Variants in CYTH3 observed in about 807,000 individuals in gnomAD.
CYTH3 encodes the protein cytohesin 3.
Under a neutral mutation model 55.1 loss-of-function variants are expected in CYTH3, and 23 were observed. The ratio of observed to expected loss-of-function variants is 0.42; its 90% CI spans 0.30 to 0.59. The LOEUF (loss-of-function observed/expected upper bound fraction) is 0.59, where lower values mean the gene tolerates loss of function less well. Ranked by LOEUF, CYTH3 falls within the 20% of genes least tolerant of loss-of-function variation. CYTH3 has a pLI of 0.20. For synonymous variants in CYTH3, 249 were observed against 194.9 expected (o/e 1.28, Z -2.31); for missense variants, 413 against 524.8 (o/e 0.79, Z 2.08).
chr7:6,228,766 GT>G (rs776216330), intron 1 of CYTH3, among the ~76,000 whole-genome samples: 32 of 152,170 alleles, frequency 2.1e-4, no homozygotes, highest in Non-Finnish European at 2.8e-4. Context: ...ACACGGCTGT[GT>G]TTTTAAGAAT....
chr7:6,272,419 C>A, intron 1 of CYTH3, 55 bp downstream of exon 1: 2 of 584,454 alleles, frequency 3.4e-6, no homozygotes, highest in Admixed American at 3.4e-5. Flanking sequence ...CGACCCCCAG[C>A]CCCCGGCCCC....
At chr7:6,270,744 G>A (rs1454172213) in intron 1 of CYTH3, among the ~76,000 whole-genome samples, 1 of 152,144 alleles carries the variant, frequency 6.6e-6, no homozygotes, top group Admixed American at 6.5e-5. Context: ...TTGCTTCCCT[G>A]TGATATATTC....
chr7:6,181,051 C>G (rs1783492011), intron 4 of CYTH3, among the ~76,000 whole-genome samples: 1 of 152,080 alleles, frequency 6.6e-6, no homozygotes, highest in African/African-American at 2.4e-5. Context: ...TTTAAAAATC[C>G]TATTTCTCTT....
chr7:6,258,793 T>C (rs1780201319), intron 1 of CYTH3, among the ~76,000 whole-genome samples: 1 of 152,202 alleles, frequency 6.6e-6, no homozygotes, highest in Non-Finnish European at 1.5e-5. Flanking sequence ...CGAAAAAATA[T>C]TGTTTAAAGT....
intron 1 of CYTH3, among the ~76,000 whole-genome samples, chr7:6,232,060 C>T (rs1277448259): frequency 6.6e-6 from 1 of 152,174 alleles, no homozygotes; most frequent in South Asian, 2.1e-4. Flanking sequence ...CTTTGCTTCC[C>T]TCCCAGTTCA....
At chr7:6,238,925 A>T (rs1004201772) in intron 1 of CYTH3, among the ~76,000 whole-genome samples, 6 of 148,842 alleles carry the variant, frequency 4.0e-5, no homozygotes, top group Non-Finnish European at 5.9e-5. Context: ...TAATAATAAT[A>T]AAAAAAAGCC....
chr7:6,194,267 T>G (rs962751703), intron 1 of CYTH3, among the ~76,000 whole-genome samples: 1 of 152,174 alleles, frequency 6.6e-6, no homozygotes, highest in African/African-American at 2.4e-5. Flanking sequence ...GACTCTTTAA[T>G]ACGTGTACAA....
At position 6,170,547 on chromosome 7, in the gene CYTH3, G is replaced by GC; in HGVS notation, c.810dup (p.Leu271AlafsTer21). ...GCCGGCGGCTCACCCAGCTTCAGGA[G>GC]CCAGCCCTCGCGGTCGGGGTTGAAG... On this transcript the variant is annotated frameshift_variant, in exon 9 of 13. Transcript: ENST00000350796. LOFTEE classifies it high-confidence loss of function. This position sits in a 1 kb window ranked among gnomAD's most constrained non-coding sequence, Gnocchi z 7.8. 1 of 1,613,952 alleles carries GC rather than the reference G, an allele frequency of 6.2e-7. No individual in the cohort carries two copies.
chr7:6,229,930 T>A (rs1163943645), intron 1 of CYTH3, among the ~76,000 whole-genome samples: 1 of 151,636 alleles, frequency 6.6e-6, no homozygotes, highest in African/African-American at 2.4e-5. Flanking sequence ...AGGTCTGGAG[T>A]TCGAGACCAG....
chr7:6,243,878 CAG>C (rs1253933494), intron 1 of CYTH3, among the ~76,000 whole-genome samples: 1 of 152,116 alleles, frequency 6.6e-6, no homozygotes, highest in African/African-American at 2.4e-5. Flanking sequence ...TTCCAATCAC[CAG>C]AGAAGTGAAT....
intron 1 of CYTH3, among the ~76,000 whole-genome samples, chr7:6,262,230 G>T (rs1050514765): frequency 3.3e-5 from 5 of 152,204 alleles, no homozygotes; most frequent in Admixed American, 2.6e-4. Context: ...TAATGCACAG[G>T]TAATTACAGT....
intron 1 of CYTH3, among the ~76,000 whole-genome samples, chr7:6,203,723 C>CTT (rs1214111836): frequency 1.4e-5 from 2 of 145,506 alleles, no homozygotes; most frequent in Non-Finnish European, 3.0e-5. Flanking sequence ...CATATTCCAC[C>CTT]TTTTTTTTTT....
At chr7:6,221,692 T>C (rs996753476) in intron 1 of CYTH3, among the ~76,000 whole-genome samples, 2 of 133,526 alleles carry the variant, frequency 1.5e-5, no homozygotes, top group Non-Finnish European at 3.0e-5. Flanking sequence ...ACAAATTAGT[T>C]CAAAATGAAG....
intron 3 of CYTH3, 53 bp from the exon 4 acceptor site, chr7:6,187,169 C>G: frequency 6.5e-7 from 1 of 1,549,666 alleles, no homozygotes; most frequent in South Asian, 1.1e-5. Context: ...ACAATGCAGC[C>G]CAGTCACGGC....
chr7:6,172,586 C>CA (rs1783230374), intron 6 of CYTH3: 1 of 495,720 alleles, frequency 2.0e-6, no homozygotes, highest in South Asian at 4.3e-5. Flanking sequence ...CCTGTGCCTC[C>CA]ATCAGGCCCT....
chr7:6,196,775 T>C (rs1783944852), intron 1 of CYTH3, among the ~76,000 whole-genome samples: 2 of 152,154 alleles, frequency 1.3e-5, no homozygotes, highest in African/African-American at 4.8e-5. Flanking sequence ...CTTATTTCAA[T>C]ATGGCAAAAA....
rs1163738459 is a variant in CYTH3, at chr7:6,164,807, T to C, written c.*137A>G. On this transcript the variant is annotated 3_prime_UTR_variant, in exon 13 of 13. Coordinates refer to ENST00000350796, the MANE Select transcript of CYTH3 (RefSeq NM_004227.4). The stretch of plus-strand genomic sequence containing the variant: ...GGCACGAGGCCTTGGGGATACCACC[T>C]GGGCCACGGTATGCTCTGGAGCAGC... 1.0e-6 allele frequency: 1 copy of C among 983,118 alleles called. No homozygotes were observed. The highest frequency in any genetic ancestry group is 2.4e-5 in the East Asian group (1 of 41,838). The allele number at this position is 983,118 out of a possible 1,614,324, so 60.9% of individuals were successfully genotyped here. A position where few individuals can be genotyped will look rare whatever the true frequency, so the allele number is the denominator to read the frequency against.
intron 1 of CYTH3, among the ~76,000 whole-genome samples, chr7:6,228,437 TG>T (rs1437451175): frequency 3.3e-5 from 5 of 152,096 alleles, no homozygotes; most frequent in Admixed American, 1.3e-4. Context: ...GGGGAGGGGT[TG>T]GAAAGAAGTC....
At chr7:6,183,155 G>C (rs75248728) in intron 4 of CYTH3, among the ~76,000 whole-genome samples, 2 of 152,210 alleles carry the variant, frequency 1.3e-5, no homozygotes, top group Admixed American at 1.3e-4. Flanking sequence ...ATCACTGCTA[G>C]ACACAAGGTC....
Sources: gnomAD v4.1 joint callset for allele counts (sites outside exome capture counted in the v4.1 genomes callset) on GRCh38, gnomAD v4.1.1 for gene constraint, Gnocchi (gnomAD v3.1) non-coding constraint, MANE v1.5 for transcripts, NCBI Gene and HGNC (gene_info 2026-07-23, HGNC 2026-07-21) for gene names.